Variants in ACP6 observed in about 807,000 individuals in gnomAD.
ACP6 encodes the protein acid phosphatase 6, lysophosphatidic.
In ACP6, 48 loss-of-function variants were observed where a neutral mutation model predicts 48.1. The ratio of observed to expected loss-of-function variants is 1.00; its 90% confidence interval spans 0.79 to 1.27. ACP6 has a LOEUF of 1.27. ACP6 is among the 50% of genes most tolerant of loss of function. The pLI is 0.00. For synonymous variants in ACP6, 172 were observed against 204.2 expected (o/e 0.84, Z 1.34); for missense variants, 485 against 529.1 (o/e 0.92, Z 0.82).
chr1:147,632,181 C>G (rs587724726), intron 5 of ACP6, among the ~76,000 whole-genome samples: 190 of 139,954 alleles, frequency 1.4e-3, no homozygotes, highest in South Asian at 2.7e-3. Flanking sequence ...CTGTCAAATA[C>G]CTACCTATGC....
At chr1:147,668,903 T>C (rs374994609) in intron 1 of ACP6, among the ~76,000 whole-genome samples, 26 of 152,310 alleles carry the variant, frequency 1.7e-4, no homozygotes, top group African/African-American at 5.5e-4. Flanking sequence ...AAAGCAACTG[T>C]TATTATGAAG....
chr1:147,663,298 G>A (rs1358348481), intron 1 of ACP6, among the ~76,000 whole-genome samples: 2 of 152,072 alleles, frequency 1.3e-5, no homozygotes, highest in African/African-American at 2.4e-5. Flanking sequence ...AGGTGGGGGG[G>A]TGCAGTAAAT....
rs1553214416 is a variant in ACP6 at position 147,670,005 on chromosome 1, C to G, written c.44G>C (p.Gly15Ala). The change falls in exon 1 of 10, where the codon GGC becomes GCC. Residue 15 changes from glycine (G) to alanine (A), a missense_variant. Gly to Ala is a moderately conservative substitution (Grantham distance 60). Transcript: ENST00000583509. ...GCAGTACGCCAGCGAGGTCAGGACG[C>G]CCACTGGGGTCCACAAGCGCATGCT... ...VFSMRLWTPV[G>A]VLTSLAYCLH... 6.5e-7 allele frequency: 1 copy of G among 1,546,226 alleles called. No homozygotes were observed. The highest frequency in any genetic ancestry group is 1.2e-5 in the South Asian group (1 of 83,944).
Position 147,650,136 on chromosome 1 carries a change from C to G in ACP6, c.977+7G>C, listed in dbSNP as rs781835741. Reference sequence around the variant, plus strand: ...GCTGCACAAAGCAGAGTTGCTGTGCCAGGTACCTGATCTTGTCGGGGGCAG... The same window carrying G: ...GCTGCACAAAGCAGAGTTGCTGTGCGAGGTACCTGATCTTGTCGGGGGCAG... On this transcript the variant is annotated splice_region_variant and intron_variant, in intron 8 of 9. Transcript: ENST00000583509. 6.2e-7 allele frequency: 1 copy of G among 1,605,272 alleles called. No individual in the cohort carries two copies. Among genetic ancestry groups the G allele is most frequent in the Non-Finnish European group, 8.5e-7 (1 of 1,176,078 alleles).
chr1:147,637,626 G>A (rs1176397739), downstream of ACP6, among the ~76,000 whole-genome samples: 1 of 152,124 alleles, frequency 6.6e-6, no homozygotes, highest in Non-Finnish European at 1.5e-5. Context: ...GATAGCCATT[G>A]CACATTTAGG....
chr1:147,652,461 G>A lies in ACP6; in HGVS notation c.869C>T (p.Pro290Leu), dbSNP rs1557882321. ...GAGAGCCCCTCACCTGTCTTCCTTG[G>A]GCAGTATGTACAAGGATGTGTCCAC... ...RAVDTSLYIL[P>L]KEDRESLQMA... is the part of the protein sequence containing the mutation. The change falls in exon 7 of 10, where the codon CCC becomes CTC. Residue 290 changes from proline to leucine, a missense_variant. Pro to Leu is a moderately conservative substitution (Grantham distance 98). Coordinates refer to ENST00000583509, the MANE Select transcript of ACP6 (RefSeq NM_016361.5). The A allele has an allele frequency of 6.2e-7, 1 of 1,613,156 alleles. No homozygotes were observed. The highest frequency in any genetic ancestry group is 8.5e-7 in the Non-Finnish European group (1 of 1,179,666).
chr1:147,654,101 A>G, intron 6 of ACP6, 93 bp downstream of exon 6: 1 of 1,543,648 alleles, frequency 6.5e-7, no homozygotes, highest in Non-Finnish European at 8.7e-7. Flanking sequence ...CCTTCAAACC[A>G]GGAGGCCTCC....
chr1:147,653,012 A>G (rs1660034351), intron 6 of ACP6, among the ~76,000 whole-genome samples: 1 of 152,296 alleles, frequency 6.6e-6, no homozygotes, highest in Admixed American at 6.5e-5. Context: ...TATTTTTAGT[A>G]GAGACGGGGT....
chr1:147,649,500 A>G (rs587688979), intron 8 of ACP6, among the ~76,000 whole-genome samples: 1 of 151,374 alleles, frequency 6.6e-6, no homozygotes, highest in South Asian at 2.1e-4. Flanking sequence ...GCTGGAGTAC[A>G]GTGGTGTGAT....
At chr1:147,650,061 C>G in intron 8 of ACP6, 82 bp downstream of exon 8, 1 of 1,193,014 alleles carries the variant, frequency 8.4e-7, no homozygotes, top group Non-Finnish European at 1.2e-6. Context: ...GTTCTTGCCT[C>G]ACTAAGATTT....
intron 9 of ACP6, 40 bp from the exon 10 acceptor site, chr1:147,647,606 C>T (rs1553209686): frequency 1.3e-6 from 2 of 1,594,274 alleles, no homozygotes; most frequent in Non-Finnish European, 1.7e-6. Flanking sequence ...GCCGAGGAAC[C>T]TGTCCTTCTG....
At chr1:147,667,921 C>T (rs1438672712) in intron 1 of ACP6, among the ~76,000 whole-genome samples, 1 of 151,684 alleles carries the variant, frequency 6.6e-6, no homozygotes, top group Admixed American at 6.6e-5. Flanking sequence ...ACCCGAGAGG[C>T]GGAGGTTGCG....
rs202187390 is a variant in ACP6, at chr1:147,652,536, G to A, written c.794C>T (p.Pro265Leu). The A allele has an allele frequency of 6.2e-5, 100 of 1,613,992 alleles. No individual in the cohort carries two copies. Among genetic ancestry groups the A allele is most frequent in the Middle Eastern group, 4.9e-4 (3 of 6,082 alleles). ...NVAAEQAHNL[P>L]SCPMLKRFAR... is the part of the protein sequence containing the mutation. Reference sequence around the variant, plus strand: ...AAATCTCTTCAGCATGGGGCAGCTTGGGAGGTTGTGTGCCTGAAAGGGCCA... The same window carrying A: ...AAATCTCTTCAGCATGGGGCAGCTTAGGAGGTTGTGTGCCTGAAAGGGCCA... Residue 265 changes from proline (P) to leucine (L), a missense_variant, in exon 7 of 10, where the codon CCA becomes CTA. Pro to Leu is a moderately conservative substitution (Grantham distance 98). Transcript: ENST00000583509.
chr1:147,637,260 C>G (rs1431653870), downstream of ACP6, among the ~76,000 whole-genome samples: 1 of 152,290 alleles, frequency 6.6e-6, no homozygotes, highest in South Asian at 2.1e-4. Context: ...CCGTGTGTGA[C>G]CCTCTACAAT....
downstream of ACP6, among the ~76,000 whole-genome samples, chr1:147,640,950 A>C: frequency 6.6e-6 from 1 of 151,996 alleles, no homozygotes; most frequent in African/African-American, 2.4e-5. Flanking sequence ...GTCTGAAGAG[A>C]GCACACAGCC....
At chr1:147,654,013 T>G (rs1553211105) in intron 6 of ACP6, among the ~76,000 whole-genome samples, 181 bp downstream of exon 6, 1 of 152,186 alleles carries the variant, frequency 6.6e-6, no homozygotes, top group Non-Finnish European at 1.5e-5. Flanking sequence ...TGTTCCTACC[T>G]GGGTAAGGAG....
At chr1:147,635,566 A>T (rs1275055264) in intron 5 of ACP6, among the ~76,000 whole-genome samples, 1 of 152,184 alleles carries the variant, frequency 6.6e-6, no homozygotes, top group East Asian at 1.9e-4. Flanking sequence ...TCATGAGTAA[A>T]AATTAGGGAA....
intron 4 of ACP6, 68 bp from the exon 5 acceptor site, chr1:147,655,316 C>T: frequency 1.7e-6 from 2 of 1,164,304 alleles, no homozygotes; most frequent in Non-Finnish European, 2.5e-6. Context: ...TCTCCACCCC[C>T]TTCTCTTTGT....
chr1:147,635,804 C>T (rs1570937871), intron 5 of ACP6, among the ~76,000 whole-genome samples: 1 of 152,184 alleles, frequency 6.6e-6, no homozygotes, highest in East Asian at 1.9e-4. Context: ...GAGGGATTGG[C>T]ACAGTCCGCA....
Sources: allele counts gnomAD v4.1 joint callset (sites outside exome capture counted in the v4.1 genomes callset), GRCh38; gene constraint gnomAD v4.1.1; transcripts MANE v1.5; gene names NCBI Gene and HGNC (gene_info 2026-07-23, HGNC 2026-07-21).